Variants in MACO1 observed in about 807,000 individuals in gnomAD.
MACO1 encodes macoilin.
MACO1 carries 14 observed loss-of-function variants against 78.7 expected under a neutral mutation model. The ratio of observed to expected loss-of-function variants is 0.18; its 90% CI spans 0.12 to 0.28. The LOEUF (loss-of-function observed/expected upper bound fraction) is 0.28, where lower values mean the gene tolerates loss of function less well. MACO1 is among the 10% of genes least tolerant of loss of function. MACO1 has a pLI of 1.00. For synonymous variants in MACO1, 288 were observed against 291.6 expected (o/e 0.99, Z 0.12); for missense variants, 501 against 799.0 (o/e 0.63, Z 4.50).
At chr1:25,480,389 T>C (rs2043360664) in intron 6 of MACO1, among the ~76,000 whole-genome samples, 1 of 152,238 alleles carries the variant, frequency 6.6e-6, no homozygotes. Flanking sequence ...TTTTACAAAA[T>C]TCATGGTAGC....
chr1:25,488,777 A>C (rs1390562354), intron 8 of MACO1, among the ~76,000 whole-genome samples: 1 of 151,634 alleles, frequency 6.6e-6, no homozygotes. Context: ...GAGCCACTGC[A>C]CTCGGCCAAC....
At chr1:25,463,916 C>A (rs901866570) in intron 6 of MACO1, among the ~76,000 whole-genome samples, 1 of 152,178 alleles carries the variant, frequency 6.6e-6, no homozygotes, top group Non-Finnish European at 1.5e-5. Context: ...CATATACCTG[C>A]TGTCCCCACA....
intron 1 of MACO1, 29 bp downstream of exon 1, chr1:25,431,207 C>A (rs537679822): frequency 1.3e-6 from 2 of 1,560,574 alleles, no homozygotes; most frequent in South Asian, 2.3e-5. Flanking sequence ...ACTCCGCGGG[C>A]GCGGGCCCTG....
rs1480967934 is a variant in MACO1, at chr1:25,458,885, C to T, written c.1147C>T (p.Leu383=). The change falls in exon 6 of 11, where the codon CTG becomes TTG. Residue 383 remains leucine, a synonymous_variant. Coordinates refer to ENST00000374343, the MANE Select transcript of MACO1 (RefSeq NM_018202.6). ...TAACCAGCTAAGCAAACCAGACGCA[C>T]TGGTCAGGTAAGTGCACATGCTGCA... ...PNNQLSKPDA[L]VRLEQDIKKL... is the part of the protein sequence containing the mutation. 6.2e-7 allele frequency: 1 copy of T among 1,612,652 alleles called. No homozygotes were observed. Among genetic ancestry groups the T allele is most frequent in the African/African-American group, 1.3e-5 (1 of 74,972 alleles).
intron 5 of MACO1, among the ~76,000 whole-genome samples, chr1:25,457,303 G>A (rs1382657488): frequency 6.6e-6 from 1 of 151,552 alleles, no homozygotes; most frequent in Non-Finnish European, 1.5e-5. Context: ...GTAGAGATGA[G>A]GTCTCACTGT....
chr1:25,454,464 G>GTATATA (rs1206688329), intron 4 of MACO1, 82 bp downstream of exon 4: 17 of 178,210 alleles, frequency 9.5e-5, no homozygotes, highest in African/African-American at 5.0e-4. Context: ...GTGTGTGTGT[G>GTATATA]TGTGTGTATA....
At chr1:25,483,534 G>C (rs1236988456) in intron 6 of MACO1, among the ~76,000 whole-genome samples, 3 of 152,174 alleles carry the variant, frequency 2.0e-5, no homozygotes, top group Non-Finnish European at 4.4e-5. Flanking sequence ...CATGTAATTT[G>C]TTCCTTTTTT....
chr1:25,489,065 C>A, intron 8 of MACO1, 108 bp from the exon 9 acceptor site: 2 of 1,360,038 alleles, frequency 1.5e-6, no homozygotes, highest in Non-Finnish European at 2.0e-6. Flanking sequence ...AAATAATCTG[C>A]CTGCCTCGGC....
rs2043559447 is a variant in MACO1 at position 25,498,675 on chromosome 1, A to G, written c.*209A>G. The G allele has an allele frequency of 4.3e-6, 2 of 466,740 alleles. No homozygotes were observed. Among genetic ancestry groups the G allele is most frequent in the Non-Finnish European group, 7.4e-6 (2 of 270,356 alleles). 28.9% of individuals were successfully genotyped at this position (466,740 alleles called of 1,614,324 possible). A position where few individuals can be genotyped will look rare whatever the true frequency, so the allele number is the denominator to read the frequency against. ...TGTAAATTTTTAGAAGACCTCACAG[A>G]ACTTTACAGTTTATTTTTCTCGGCC... On this transcript the variant is annotated 3_prime_UTR_variant, in exon 11 of 11. Transcript: ENST00000374343.
At chr1:25,462,853 T>G (rs1180282415) in intron 6 of MACO1, among the ~76,000 whole-genome samples, 1 of 152,250 alleles carries the variant, frequency 6.6e-6, no homozygotes, top group Non-Finnish European at 1.5e-5. Context: ...TTTAGTATGC[T>G]GTATACCATG....
chr1:25,447,281 T>C (rs2043024700), intron 2 of MACO1, among the ~76,000 whole-genome samples: 1 of 152,140 alleles, frequency 6.6e-6, no homozygotes, highest in South Asian at 2.1e-4. Context: ...AGGTTAGTGA[T>C]TGGATTGGAG....
intron 3 of MACO1, among the ~76,000 whole-genome samples, chr1:25,451,166 G>A (rs887674213): frequency 2.6e-5 from 4 of 152,032 alleles, no homozygotes; most frequent in Non-Finnish European, 4.4e-5. Flanking sequence ...TTAAACAAAC[G>A]AAACAAAAAA....
chr1:25,458,509 A>G lies in MACO1; in HGVS notation c.771A>G (p.Lys257=), dbSNP rs1415273334. The G allele has an allele frequency of 6.2e-7, 1 of 1,614,170 alleles. No individual in the cohort carries two copies. The highest frequency in any genetic ancestry group is 1.6e-4 in the Middle Eastern group (1 of 6,062). Residue 257 remains lysine (K), a synonymous_variant, in exon 6 of 11, where the codon AAA becomes AAG. Transcript: ENST00000374343. The part of the protein sequence containing the change: ...LPEIEYREKG[K]EKDKDAKKHN... ...AGATAGAATACCGAGAAAAAGGGAA[A>G]GAAAAGGACAAGGATGCCAAAAAAC...
chr1:25,491,582 A>G lies in MACO1; in HGVS notation c.1790A>G (p.Gln597Arg). The G allele has an allele frequency of 6.2e-7, 1 of 1,614,068 alleles. No individual in the cohort carries two copies. The highest frequency in any genetic ancestry group is 8.5e-7 in the Non-Finnish European group (1 of 1,179,942). Reference protein sequence around the residue: ...GDAKRQLEIAQGQILQKDQEI... With the variant: ...GDAKRQLEIARGQILQKDQEI... Reference sequence around the variant, plus strand: ...GCAAAGCGGCAGCTCGAGATTGCCCAAGGTAGGAGAACGTGGGCCCCTGGT... The same window carrying G: ...GCAAAGCGGCAGCTCGAGATTGCCCGAGGTAGGAGAACGTGGGCCCCTGGT... Residue 597 changes from glutamine to arginine, a missense_variant and splice_region_variant, in exon 10 of 11, where the codon CAA (glutamine) becomes CGA (arginine). Coordinates refer to ENST00000374343, the MANE Select transcript of MACO1 (RefSeq NM_018202.6).
intron 6 of MACO1, among the ~76,000 whole-genome samples, chr1:25,469,180 TTTAAA>T (rs1278806737): frequency 3.9e-5 from 6 of 152,280 alleles, no homozygotes; most frequent in Non-Finnish European, 8.8e-5. Context: ...CAAGTACTAA[TTTAAA>T]TTAACAAATC....
At chr1:25,440,259 C>T (rs1460027332) in intron 1 of MACO1, among the ~76,000 whole-genome samples, 4 of 146,558 alleles carry the variant, frequency 2.7e-5, no homozygotes, top group African/African-American at 7.6e-5. Flanking sequence ...ATTAGCCAAG[C>T]ATGGTGGTAT....
intron 6 of MACO1, among the ~76,000 whole-genome samples, chr1:25,464,662 C>G (rs567676115): frequency 2.6e-5 from 2 of 76,684 alleles, no homozygotes; most frequent in Non-Finnish European, 5.2e-5. Flanking sequence ...CTTCCCCCAC[C>G]CCCCCCCTCC....
intron 6 of MACO1, among the ~76,000 whole-genome samples, chr1:25,466,080 C>T (rs1333115705): frequency 6.6e-6 from 1 of 152,168 alleles, no homozygotes; most frequent in Non-Finnish European, 1.5e-5. Context: ...CATACAAGTG[C>T]AGGTATATTT....
chr1:25,452,531 T>A (rs2043075885), intron 3 of MACO1, among the ~76,000 whole-genome samples: 1 of 152,230 alleles, frequency 6.6e-6, no homozygotes, highest in African/African-American at 2.4e-5. Context: ...CAACTTGTTC[T>A]TACTTAAGGA....
Sources: gnomAD v4.1 joint callset for allele counts (sites outside exome capture counted in the v4.1 genomes callset) on GRCh38, gnomAD v4.1.1 for gene constraint, MANE v1.5 for transcripts, NCBI Gene and HGNC (gene_info 2026-07-23, HGNC 2026-07-21) for gene names.